Variants in PPARGC1A observed in about 807,000 individuals in gnomAD.
PPARGC1A encodes the protein peroxisome proliferator-activated receptor gamma coactivator 1-alpha.
In PPARGC1A, 25 loss-of-function variants were observed where a neutral mutation model predicts 88.7. The observed-to-expected ratio is 0.28, with a 90% CI of 0.21 to 0.39. The LOEUF (loss-of-function observed/expected upper bound fraction) is 0.39. PPARGC1A is among the 10% of genes least tolerant of loss of function. PPARGC1A has a pLI of 1.00. For synonymous variants in PPARGC1A, 363 were observed against 355.6 expected, an observed-to-expected ratio of 1.02 and a Z score of -0.24; for missense variants, 880 against 968.7, an observed-to-expected ratio of 0.91 and a Z score of 1.22.
the PPARGC1A span, among the ~76,000 whole-genome samples, chr4:24,103,094 T>G: frequency 6.6e-6 from 1 of 152,144 alleles, no homozygotes; most frequent in African/African-American, 2.4e-5. Flanking sequence ...CCCCATGCGC[T>G]TCAATGTTTA....
chr4:23,929,180 G>A, the PPARGC1A span, among the ~76,000 whole-genome samples: 4 of 152,022 alleles, frequency 2.6e-5, no homozygotes, highest in African/African-American at 9.7e-5. Flanking sequence ...ATAAATAAAA[G>A]TAACTCACCC....
At chr4:24,195,134 G>A in the PPARGC1A span, among the ~76,000 whole-genome samples, 1 of 152,136 alleles carries the variant, frequency 6.6e-6, no homozygotes, top group Non-Finnish European at 1.5e-5. Flanking sequence ...ATGTTATATG[G>A]AAACAGTGGA....
At chr4:24,057,646 A>C in the PPARGC1A span, among the ~76,000 whole-genome samples, 1 of 152,178 alleles carries the variant, frequency 6.6e-6, no homozygotes, top group East Asian at 1.9e-4. Flanking sequence ...TGTGCTATTA[A>C]CACCACGTGT....
At chr4:24,382,239 A>T in the PPARGC1A span, among the ~76,000 whole-genome samples, 1 of 152,240 alleles carries the variant, frequency 6.6e-6, no homozygotes, top group African/African-American at 2.4e-5. Context: ...TGCATGAAAC[A>T]AAGCTGAATA....
the PPARGC1A span, among the ~76,000 whole-genome samples, chr4:23,979,566 G>A: frequency 1.3e-5 from 2 of 152,158 alleles, no homozygotes; most frequent in African/African-American, 4.8e-5. Context: ...TGAGAGTCAT[G>A]CCATTACTTG....
the PPARGC1A span, among the ~76,000 whole-genome samples, chr4:24,140,635 T>C: frequency 6.6e-6 from 1 of 152,146 alleles, no homozygotes; most frequent in Non-Finnish European, 1.5e-5. Flanking sequence ...GGCCTAAAAA[T>C]AGAATTCTGC....
intron 1 of PPARGC1A, among the ~76,000 whole-genome samples, chr4:23,887,573 C>T (rs1179191269): frequency 1.3e-5 from 2 of 152,172 alleles, no homozygotes; most frequent in Non-Finnish European, 2.9e-5. Flanking sequence ...GAGGATAAAG[C>T]AGTCACTAAA....
chr4:24,034,392 A>C, the PPARGC1A span, among the ~76,000 whole-genome samples: 1 of 152,230 alleles, frequency 6.6e-6, no homozygotes, highest in Non-Finnish European at 1.5e-5. Context: ...AACATATGAC[A>C]TTTATAAAAT....
At chr4:24,387,770 A>AGAGAGAGAG in the PPARGC1A span, among the ~76,000 whole-genome samples, 123 of 58,818 alleles carry the variant, frequency 2.1e-3, 1 homozygote, top group Middle Eastern at 7.6e-3. Flanking sequence ...GAGAGAGAGA[A>AGAGAGAGAG]AGAAAGAAAG....
At chr4:24,177,767 A>T in the PPARGC1A span, among the ~76,000 whole-genome samples, 1 of 152,018 alleles carries the variant, frequency 6.6e-6, no homozygotes, top group Non-Finnish European at 1.5e-5. Flanking sequence ...CATACAAGTG[A>T]TAAGATACAA....
At chr4:23,846,871 T>G (rs1407205953) in intron 2 of PPARGC1A, among the ~76,000 whole-genome samples, 1 of 152,256 alleles carries the variant, frequency 6.6e-6, no homozygotes, top group African/African-American at 2.4e-5. Context: ...CCAAAATAGA[T>G]TTAAAAATCA....
At chr4:23,967,316 T>G in the PPARGC1A span, among the ~76,000 whole-genome samples, 1 of 152,206 alleles carries the variant, frequency 6.6e-6, no homozygotes, top group African/African-American at 2.4e-5. Flanking sequence ...ATTAACATGT[T>G]AATTTCTATG....
At chr4:24,066,187 G>A in the PPARGC1A span, among the ~76,000 whole-genome samples, 80 of 152,110 alleles carry the variant, frequency 5.3e-4, no homozygotes, top group African/African-American at 1.8e-3. Flanking sequence ...GAGGGAGGAC[G>A]ACTGTCGCTG....
At chr4:23,961,546 A>G in the PPARGC1A span, among the ~76,000 whole-genome samples, 1 of 152,142 alleles carries the variant, frequency 6.6e-6, no homozygotes, top group South Asian at 2.1e-4. Flanking sequence ...TCCCAGAGCA[A>G]CCCATAACAA....
chr4:24,351,351 CA>C, the PPARGC1A span, among the ~76,000 whole-genome samples: 10 of 147,042 alleles, frequency 6.8e-5, no homozygotes, highest in African/African-American at 2.5e-4. Flanking sequence ...GAGCTGTGAT[CA>C]CACCACTGTT....
At chr4:24,029,894 T>C in the PPARGC1A span, among the ~76,000 whole-genome samples, 1 of 152,036 alleles carries the variant, frequency 6.6e-6, no homozygotes, top group Non-Finnish European at 1.5e-5. Context: ...ATTAAATAAT[T>C]TGGGGGGATG....
At chr4:24,361,929 C>T in the PPARGC1A span, among the ~76,000 whole-genome samples, 2 of 152,160 alleles carry the variant, frequency 1.3e-5, no homozygotes, top group Non-Finnish European at 2.9e-5. Flanking sequence ...AATACAAATC[C>T]ATTGTCTGAA....
the PPARGC1A span, among the ~76,000 whole-genome samples, chr4:24,317,555 T>TAAAAAAAAAAAAAA: frequency 9.5e-4 from 21 of 22,218 alleles, 5 homozygotes; most frequent in East Asian, 3.1e-3. Flanking sequence ...TTCAGAGGAC[T>TAAAAAAAAAAAAAA]AAAAAAAAAA....
the PPARGC1A span, among the ~76,000 whole-genome samples, chr4:24,178,586 A>C: frequency 6.6e-6 from 1 of 152,212 alleles, no homozygotes; most frequent in Admixed American, 6.5e-5. Flanking sequence ...AAATAAGTTG[A>C]ATACTTATTG....
Sources: gnomAD v4.1 joint callset for allele counts (sites outside exome capture counted in the v4.1 genomes callset) on GRCh38, gnomAD v4.1.1 for gene constraint, MANE v1.5 for transcripts, NCBI Gene and HGNC (gene_info 2026-07-23, HGNC 2026-07-21) for gene names.